Variants in CCDC85A observed in about 807,000 individuals in gnomAD.
The protein encoded by CCDC85A is coiled-coil domain-containing protein 85A.
In CCDC85A, 38 loss-of-function variants were observed where a neutral mutation model predicts 50.2. The observed-to-expected ratio is 0.76, with a 90% CI of 0.58 to 0.99. The LOEUF (loss-of-function observed/expected upper bound fraction) is 0.99. Among genes scored for constraint, CCDC85A ranks in the 50% least tolerant of loss-of-function variants. The pLI is 0.00. For synonymous variants in CCDC85A, 366 were observed against 301.4 expected, an observed-to-expected ratio of 1.21 and a Z score of -2.22; for missense variants, 820 against 742.0, an observed-to-expected ratio of 1.11 and a Z score of -1.22.
chr2:56,310,072 T>A (rs1420315275), intron 2 of CCDC85A, among the ~76,000 whole-genome samples: 1 of 152,166 alleles, frequency 6.6e-6, no homozygotes, highest in Non-Finnish European at 1.5e-5. Flanking sequence ...AAGACCTAAA[T>A]AAATTACTTT....
At chr2:56,364,952 G>C (rs1675716302) in intron 3 of CCDC85A, among the ~76,000 whole-genome samples, 1 of 152,048 alleles carries the variant, frequency 6.6e-6, no homozygotes, top group South Asian at 2.1e-4. Context: ...AGATCAATCT[G>C]TCCACCACCA....
At chr2:56,302,484 T>A (rs1448177237) in intron 2 of CCDC85A, among the ~76,000 whole-genome samples, 1 of 152,192 alleles carries the variant, frequency 6.6e-6, no homozygotes, top group Non-Finnish European at 1.5e-5. Context: ...ATTATTTTTC[T>A]GTCACCTGAC....
intron 2 of CCDC85A, among the ~76,000 whole-genome samples, chr2:56,339,850 T>C (rs895540633): frequency 1.3e-5 from 2 of 152,082 alleles, no homozygotes; most frequent in African/African-American, 4.8e-5. Context: ...TTTGCAAGAG[T>C]AAAGCAGACT....
intron 3 of CCDC85A, among the ~76,000 whole-genome samples, chr2:56,366,842 C>T (rs1257370163): frequency 3.3e-5 from 5 of 152,072 alleles, no homozygotes; most frequent in African/African-American, 9.7e-5. Flanking sequence ...AGAGAGTAGT[C>T]GCCTCCTGGT....
chr2:56,306,163 C>T (rs752381151), intron 2 of CCDC85A, among the ~76,000 whole-genome samples: 2 of 152,026 alleles, frequency 1.3e-5, no homozygotes, highest in Non-Finnish European at 1.5e-5. Context: ...GAGTCTCACT[C>T]TTGTCGCCCA....
At chr2:56,311,658 C>T (rs1029669385) in intron 2 of CCDC85A, among the ~76,000 whole-genome samples, 11 of 151,916 alleles carry the variant, frequency 7.2e-5, no homozygotes, top group East Asian at 3.9e-4. Context: ...AGAATCTAAC[C>T]GCATGTTCAG....
At chr2:56,240,480 C>T (rs140916606) in intron 2 of CCDC85A, among the ~76,000 whole-genome samples, 2,518 of 152,220 alleles carry the variant, frequency 0.017, 40 homozygotes, top group Non-Finnish European at 0.023. Flanking sequence ...TTTTTCGCTT[C>T]ATTCTTCATT....
intron 2 of CCDC85A, among the ~76,000 whole-genome samples, chr2:56,293,321 A>G (rs1292856704): frequency 1.3e-5 from 2 of 152,230 alleles, no homozygotes; most frequent in African/African-American, 4.8e-5. Context: ...ATATACAAAA[A>G]TTAACTCAAG....
At chr2:56,333,449 G>A (rs2104298713) in intron 2 of CCDC85A, among the ~76,000 whole-genome samples, 1 of 152,300 alleles carries the variant, frequency 6.6e-6, no homozygotes, top group East Asian at 1.9e-4. Flanking sequence ...AAGTCAGAGA[G>A]AAAACAGTCA....
At chr2:56,208,040 C>A (rs985393765) in intron 2 of CCDC85A, among the ~76,000 whole-genome samples, 1 of 152,126 alleles carries the variant, frequency 6.6e-6, no homozygotes, top group Non-Finnish European at 1.5e-5. Flanking sequence ...TTCTTAGTCA[C>A]ATGTCTGCTT....
chr2:56,184,943 G>C (rs749718844), intron 1 of CCDC85A, 43 bp downstream of exon 1: 54 of 1,445,756 alleles, frequency 3.7e-5, no homozygotes, highest in South Asian at 1.9e-4. Context: ...GGCTGGGAGC[G>C]GGGTGCCCCG....
At chr2:56,230,577 G>T (rs1215046602) in intron 2 of CCDC85A, among the ~76,000 whole-genome samples, 1 of 152,116 alleles carries the variant, frequency 6.6e-6, no homozygotes, top group Non-Finnish European at 1.5e-5. Context: ...TCTTCCTCAC[G>T]TCTGCCCATG....
chr2:56,258,971 G>C (rs902182613), intron 2 of CCDC85A, among the ~76,000 whole-genome samples: 5 of 152,184 alleles, frequency 3.3e-5, no homozygotes, highest in African/African-American at 1.2e-4. Context: ...AATTGCTGAA[G>C]GTCGGGTGAC....
At chr2:56,225,635 T>C (rs1419419895) in intron 2 of CCDC85A, among the ~76,000 whole-genome samples, 2 of 152,148 alleles carry the variant, frequency 1.3e-5, no homozygotes, top group African/African-American at 4.8e-5. Context: ...TGAATTTCCA[T>C]ATGTCTTTTA....
chr2:56,296,823 T>G (rs1400972576), intron 2 of CCDC85A, among the ~76,000 whole-genome samples: 1 of 152,194 alleles, frequency 6.6e-6, no homozygotes, highest in African/African-American at 2.4e-5. Context: ...ATAATAATTA[T>G]CTATTTGCTT....
intron 2 of CCDC85A, among the ~76,000 whole-genome samples, chr2:56,320,169 G>T (rs1162109155): frequency 6.6e-6 from 1 of 152,126 alleles, no homozygotes; most frequent in Non-Finnish European, 1.5e-5. Flanking sequence ...AGCACTAAAT[G>T]CCCACAAGAG....
intron 2 of CCDC85A, among the ~76,000 whole-genome samples, chr2:56,307,937 A>G (rs573642007): frequency 6.6e-6 from 1 of 152,328 alleles, no homozygotes; most frequent in South Asian, 2.1e-4. Flanking sequence ...GCCTTTCTGA[A>G]CACAGCTATG....
At chr2:56,226,872 G>C (rs912730881) in intron 2 of CCDC85A, among the ~76,000 whole-genome samples, 3 of 152,042 alleles carry the variant, frequency 2.0e-5, no homozygotes, top group Non-Finnish European at 4.4e-5. Context: ...TAGATCTGCA[G>C]CTTTGGAATT....
At chr2:56,253,235 A>T (rs1258072790) in intron 2 of CCDC85A, among the ~76,000 whole-genome samples, 1 of 152,182 alleles carries the variant, frequency 6.6e-6, no homozygotes, top group Admixed American at 6.5e-5. Context: ...ACTGTGATTG[A>T]AACTTCTAAC....
Sources: gnomAD v4.1 joint callset for allele counts (sites outside exome capture counted in the v4.1 genomes callset) on GRCh38, gnomAD v4.1.1 for gene constraint, MANE v1.5 for transcripts, NCBI Gene and HGNC (gene_info 2026-07-23, HGNC 2026-07-21) for gene names.